Variants in PCOLCE2 observed in about 807,000 individuals in gnomAD.
The protein encoded by PCOLCE2 is procollagen C-proteinase enhancer 2.
PCOLCE2 carries 42 observed loss-of-function variants against 47.0 expected under a neutral mutation model. That is an observed-to-expected ratio of 0.89 (90% confidence interval 0.70 to 1.16). The LOEUF (loss-of-function observed/expected upper bound fraction) is 1.16. Ranked by LOEUF, PCOLCE2 falls within the 50% of genes most tolerant of loss-of-function variation. The pLI is 0.00. For synonymous variants in PCOLCE2, 169 were observed against 191.7 expected (o/e 0.88, Z 0.98); for missense variants, 500 against 526.1 (o/e 0.95, Z 0.49).
intron 2 of PCOLCE2, among the ~76,000 whole-genome samples, chr3:142,855,377 A>C (rs1933041671): frequency 6.6e-6 from 1 of 152,172 alleles, no homozygotes; most frequent in Non-Finnish European, 1.5e-5. Context: ...TATTACTAGC[A>C]CATACTTTTA....
chr3:142,846,631 T>C (rs916626200), intron 3 of PCOLCE2: 1 of 152,232 alleles, frequency 6.6e-6, no homozygotes, highest in Non-Finnish European at 1.5e-5. Flanking sequence ...CTTGATATTG[T>C]CTCACTGGTT....
intron 2 of PCOLCE2, among the ~76,000 whole-genome samples, chr3:142,880,498 C>T (rs1232771398): frequency 6.6e-6 from 1 of 152,208 alleles, no homozygotes; most frequent in Non-Finnish European, 1.5e-5. Flanking sequence ...ATACACCCAG[C>T]ACTGATCTTA....
intron 2 of PCOLCE2, among the ~76,000 whole-genome samples, chr3:142,857,615 G>A (rs1313425973): frequency 6.6e-6 from 1 of 152,174 alleles, no homozygotes; most frequent in Non-Finnish European, 1.5e-5. Context: ...ATGACAAACT[G>A]TAAATCATAT....
chr3:142,848,546 T>C, intron 2 of PCOLCE2, 74 bp from the exon 3 acceptor site: 1 of 1,273,802 alleles, frequency 7.9e-7, no homozygotes. Flanking sequence ...GTCACTTACT[T>C]AAGTGTGTAA....
At chr3:142,849,984 T>A (rs1937371841) in intron 2 of PCOLCE2, among the ~76,000 whole-genome samples, 1 of 152,222 alleles carries the variant, frequency 6.6e-6, no homozygotes, top group Non-Finnish European at 1.5e-5. Context: ...AATGGCGTAG[T>A]TCCCAAAAGG....
chr3:142,840,852 G>C (rs1217447687), intron 4 of PCOLCE2, among the ~76,000 whole-genome samples: 1 of 152,264 alleles, frequency 6.6e-6, no homozygotes, highest in East Asian at 1.9e-4. Flanking sequence ...GAGGCAGGCA[G>C]ATCATGAGGT....
chr3:142,827,884 C>T (rs1376259029), intron 6 of PCOLCE2, among the ~76,000 whole-genome samples: 2 of 152,194 alleles, frequency 1.3e-5, no homozygotes, highest in Non-Finnish European at 2.9e-5. Context: ...AGTTCTCTAC[C>T]TCTGTGAACA....
intron 8 of PCOLCE2, among the ~76,000 whole-genome samples, chr3:142,820,660 T>C (rs574678639): frequency 2.0e-5 from 3 of 152,340 alleles, no homozygotes; most frequent in Non-Finnish European, 4.4e-5. Flanking sequence ...TTGACTCAAC[T>C]TCAAACGCTT....
intron 2 of PCOLCE2, among the ~76,000 whole-genome samples, chr3:142,852,397 G>GA (rs1010489672): frequency 2.0e-5 from 3 of 150,076 alleles, no homozygotes; most frequent in Admixed American, 6.6e-5. Context: ...GTTAAGAATA[G>GA]AAAAAAAATA....
chr3:142,846,412 C>A (rs1169945460), intron 3 of PCOLCE2, among the ~76,000 whole-genome samples: 1 of 152,172 alleles, frequency 6.6e-6, no homozygotes, highest in African/African-American at 2.4e-5. Context: ...GTTGGCCAGG[C>A]TGGTCTTGAA....
intron 2 of PCOLCE2, among the ~76,000 whole-genome samples, chr3:142,874,530 T>C (rs1478171942): frequency 6.6e-6 from 1 of 152,204 alleles, no homozygotes; most frequent in African/African-American, 2.4e-5. Context: ...TCTTTATAAA[T>C]TACCCAGTCT....
chr3:142,823,430 G>C, intron 7 of PCOLCE2, 102 bp downstream of exon 7: 1 of 712,560 alleles, frequency 1.4e-6, no homozygotes, highest in Non-Finnish European at 2.5e-6. Context: ...AATGAGCAGC[G>C]TTATTGACCC....
intron 4 of PCOLCE2, among the ~76,000 whole-genome samples, chr3:142,840,565 G>A (rs538307612): frequency 9.5e-4 from 144 of 152,244 alleles, no homozygotes; most frequent in Non-Finnish European, 1.3e-3. Flanking sequence ...GGACACAAAG[G>A]TAATTTTGGC....
intron 5 of PCOLCE2, among the ~76,000 whole-genome samples, chr3:142,830,304 C>T (rs1428290971): frequency 1.3e-5 from 2 of 152,214 alleles, no homozygotes; most frequent in Non-Finnish European, 2.9e-5. Flanking sequence ...TGCGTTCAAG[C>T]TGGCCTGGGT....
intron 2 of PCOLCE2, among the ~76,000 whole-genome samples, chr3:142,855,247 T>C (rs1578041660): frequency 6.6e-6 from 1 of 152,174 alleles, no homozygotes; most frequent in East Asian, 1.9e-4. Flanking sequence ...CAGAGAACAG[T>C]TGGTCTGTGG....
At chr3:142,823,358 T>C (rs1937036268) in intron 7 of PCOLCE2, among the ~76,000 whole-genome samples, 174 bp downstream of exon 7, 1 of 152,222 alleles carries the variant, frequency 6.6e-6, no homozygotes, top group Non-Finnish European at 1.5e-5. Flanking sequence ...TCCATATTTT[T>C]CTCAGTGGTG....
At chr3:142,838,692 CA>C in intron 5 of PCOLCE2, 77 bp downstream of exon 5, 4 of 1,313,820 alleles carry the variant, frequency 3.0e-6, no homozygotes, top group Non-Finnish European at 4.3e-6. Context: ...TTCCAGAAAA[CA>C]AATGTGATTG....
rs1180872091 is a variant in PCOLCE2 at position 142,883,928 on chromosome 3, C to T, written c.192+3741G>A. On this transcript the variant is annotated intron_variant, in intron 2 of 8. Transcript: ENST00000295992. Reference sequence around the variant, plus strand: ...GTAAGATGCCTGGTGGGCTTTGTCTCACTTCCCACTCAGGGCCTTGGGAAC... The same window carrying T: ...GTAAGATGCCTGGTGGGCTTTGTCTTACTTCCCACTCAGGGCCTTGGGAAC... Among the ~76,000 whole-genome samples the T allele has an allele frequency of 5.3e-5, 8 of 152,172 alleles. No individual in the cohort carries two copies. The East Asian group carries it at 1.3e-3, about 26-fold the overall frequency.
intron 2 of PCOLCE2, among the ~76,000 whole-genome samples, chr3:142,878,859 A>AAAAAACCCG (rs1185212485): frequency 1.3e-5 from 2 of 152,046 alleles, no homozygotes; most frequent in African/African-American, 4.8e-5. Flanking sequence ...TCTCAAAAAA[A>AAAAAACCCG]AAAAACCCGA....
Sources: allele counts gnomAD v4.1 joint callset (sites outside exome capture counted in the v4.1 genomes callset), GRCh38; gene constraint gnomAD v4.1.1; transcripts MANE v1.5; gene names NCBI Gene and HGNC (gene_info 2026-07-23, HGNC 2026-07-21).